MAML2: variants seen among roughly 807,000 people sequenced by gnomAD.
MAML2 encodes the protein mastermind-like protein 2.
Under a neutral mutation model 96.1 loss-of-function variants are expected in MAML2, and 22 were observed. That is an observed-to-expected ratio of 0.23 (90% CI 0.16 to 0.33). The LOEUF (loss-of-function observed/expected upper bound fraction) is 0.33. Ranked by LOEUF, MAML2 falls within the 10% of genes least tolerant of loss-of-function variation. The pLI, the probability that MAML2 is intolerant of heterozygous loss-of-function variation, is 1.00. For synonymous variants in MAML2, 561 were observed against 521.3 expected (o/e 1.08, Z -1.04); for missense variants, 1,367 against 1,392.4 (o/e 0.98, Z 0.29).
At position 96,219,097 on chromosome 11, in the gene MAML2, A is replaced by T. The variant is rs181353454; in HGVS notation, c.513+122286T>A. ...GGCCATCCGGCTCCGGGTCTAATGG[A>T]TCTAGACAGTGGAGATTAACCAGTC... is the stretch of plus-strand genomic sequence containing the variant. On this transcript the variant is annotated intron_variant, in intron 1 of 4. Transcript: ENST00000524717. 4.3e-4 allele frequency among the ~76,000 whole-genome samples: 66 copies of T among 152,322 alleles called. 1 individual carries two copies. Among genetic ancestry groups the T allele is most frequent in the African/African-American group, 1.5e-3 (64 of 41,566 alleles).
chr11:96,030,920 TTAAGGGTGGACAAA>T (rs1011069912), intron 2 of MAML2, among the ~76,000 whole-genome samples: 7 of 152,210 alleles, frequency 4.6e-5, no homozygotes, highest in African/African-American at 1.7e-4. Context: ...CTTGTTCTTA[TTAAGGGTGGACAAA>T]TAAGGATTCA....
chr11:96,045,050 T>C (rs1210241369), intron 2 of MAML2, among the ~76,000 whole-genome samples: 2 of 150,586 alleles, frequency 1.3e-5, no homozygotes, highest in African/African-American at 4.9e-5. Flanking sequence ...AATATATCCA[T>C]CCTGCACTTC....
intron 2 of MAML2, among the ~76,000 whole-genome samples, chr11:96,072,087 ATAAT>A (rs757855976): frequency 3.9e-4 from 60 of 152,352 alleles, no homozygotes; most frequent in Middle Eastern, 6.8e-3. Flanking sequence ...CAGCCTTGAA[ATAAT>A]TATTCTTTAA....
At chr11:96,015,516 G>T (rs1053316266) in intron 2 of MAML2, among the ~76,000 whole-genome samples, 2 of 140,548 alleles carry the variant, frequency 1.4e-5, no homozygotes, top group Admixed American at 1.5e-4. Context: ...TTTCTATTGG[G>T]CCAATTCAAT....
intron 1 of MAML2, among the ~76,000 whole-genome samples, chr11:96,219,932 A>C (rs1361677362): frequency 6.6e-6 from 1 of 152,098 alleles, no homozygotes; most frequent in East Asian, 1.9e-4. Flanking sequence ...CCATCAGTTT[A>C]TTATTTTTAA....
chr11:96,198,625 G>T (rs1861765640), intron 1 of MAML2, among the ~76,000 whole-genome samples: 1 of 152,114 alleles, frequency 6.6e-6, no homozygotes, highest in African/African-American at 2.4e-5. Context: ...CCTACCCCAG[G>T]TATTCTGTGA....
intron 1 of MAML2, among the ~76,000 whole-genome samples, chr11:96,323,441 G>A (rs954686125): frequency 6.6e-6 from 1 of 150,796 alleles, no homozygotes; most frequent in Non-Finnish European, 1.5e-5. Context: ...GCAGGTTGGC[G>A]AGGGAGTGAA....
chr11:96,317,145 A>T (rs1663953699), intron 1 of MAML2, among the ~76,000 whole-genome samples: 1 of 152,102 alleles, frequency 6.6e-6, no homozygotes, highest in Admixed American at 6.5e-5. Context: ...GGAAGGAGTA[A>T]ATTGTTCCAT....
intron 1 of MAML2, among the ~76,000 whole-genome samples, chr11:96,106,309 CA>C (rs1245938529): frequency 6.6e-6 from 1 of 152,144 alleles, no homozygotes; most frequent in African/African-American, 2.4e-5. Context: ...AATTGTGAAT[CA>C]ATGGTAATTC....
intron 1 of MAML2, among the ~76,000 whole-genome samples, chr11:96,121,810 G>A (rs1253885976): frequency 1.4e-4 from 2 of 14,018 alleles, no homozygotes; most frequent in Non-Finnish European, 1.3e-4. Context: ...TTTTTGAGAC[G>A]GAGTCTTGCT....
intron 4 of MAML2, among the ~76,000 whole-genome samples, chr11:95,982,138 A>T (rs1857749840): frequency 1.3e-5 from 2 of 152,216 alleles, no homozygotes; most frequent in African/African-American, 4.8e-5. Context: ...TGCTTATTTC[A>T]TCATCAGAAG....
chr11:96,186,328 G>T (rs569679594), intron 1 of MAML2, among the ~76,000 whole-genome samples: 30 of 152,306 alleles, frequency 2.0e-4, no homozygotes, highest in Admixed American at 1.9e-3. Flanking sequence ...AGTGGCTCAC[G>T]CCTGTAATCC....
At chr11:96,069,968 G>A (rs1248829740) in intron 2 of MAML2, among the ~76,000 whole-genome samples, 1 of 151,660 alleles carries the variant, frequency 6.6e-6, no homozygotes, top group African/African-American at 2.4e-5. Flanking sequence ...AGGTTGCAGT[G>A]AGCCAAGATC....
At chr11:96,223,053 A>T (rs1400768300) in intron 1 of MAML2, among the ~76,000 whole-genome samples, 1 of 152,180 alleles carries the variant, frequency 6.6e-6, no homozygotes, top group Admixed American at 6.5e-5. Context: ...ATGAAAATAA[A>T]TTCAAATTGT....
chr11:95,978,905 C>T lies in MAML2; in HGVS notation c.*43G>A. On this transcript the variant is annotated 3_prime_UTR_variant, in exon 5 of 5. Coordinates refer to ENST00000524717, the MANE Select transcript of MAML2 (RefSeq NM_032427.4). ...TCTACAGAGTTTCTGTAATATACTG[C>T]CTTTTAGTGCTTGGAGTTTGTAAAT... 1 of 1,530,532 alleles carries T rather than the reference C, an allele frequency of 6.5e-7. No individual in the cohort carries two copies. Among genetic ancestry groups the T allele is most frequent in the Non-Finnish European group, 8.8e-7 (1 of 1,135,344 alleles). The allele number at this position is 1,530,532 out of a possible 1,614,324, so 94.8% of individuals were successfully genotyped here. A position where few individuals can be genotyped will look rare whatever the true frequency, so the allele number is the denominator to read the frequency against.
chr11:95,990,334 C>A (rs914270484), intron 3 of MAML2, among the ~76,000 whole-genome samples: 1 of 152,096 alleles, frequency 6.6e-6, no homozygotes, highest in African/African-American at 2.4e-5. Flanking sequence ...GCTTCTTATC[C>A]CATCTTTACC....
chr11:96,239,461 G>A (rs503717), intron 1 of MAML2, among the ~76,000 whole-genome samples: 141,424 of 152,342 alleles, frequency 0.93, 65,820 homozygotes, highest in African/African-American at 0.98. Context: ...TTCCTAGGAC[G>A]AAATCAAGAA....
intron 1 of MAML2, among the ~76,000 whole-genome samples, chr11:96,094,668 A>G (rs539255619): frequency 1.4e-4 from 22 of 152,316 alleles, no homozygotes; most frequent in Non-Finnish European, 2.9e-4. Context: ...AAAGAAACAT[A>G]AAGCATTCAT....
chr11:96,191,000 T>G (rs1861644659), intron 1 of MAML2, among the ~76,000 whole-genome samples: 2 of 152,218 alleles, frequency 1.3e-5, no homozygotes, highest in Non-Finnish European at 2.9e-5. Context: ...ATTGGCAACA[T>G]AGCATTCAGT....
Sources: gnomAD v4.1 joint callset for allele counts (sites outside exome capture counted in the v4.1 genomes callset) on GRCh38, gnomAD v4.1.1 for gene constraint, MANE v1.5 for transcripts, NCBI Gene and HGNC (gene_info 2026-07-23, HGNC 2026-07-21) for gene names.